The following PCDHA1 variants were observed in gnomAD, a reference collection of about 807,000 sequenced individuals.
PCDHA1 encodes the protein protocadherin alpha-1.
Under a neutral mutation model 61.3 loss-of-function variants are expected in PCDHA1, and 42 were observed. The observed-to-expected ratio is 0.69, with a 90% CI of 0.54 to 0.89. The LOEUF is 0.89. PCDHA1 is among the 40% of genes least tolerant of loss of function. The probability of loss-of-function intolerance (pLI) is 0.00; values close to 1 mark genes in which losing one functional copy is unlikely to be tolerated. For synonymous variants in PCDHA1, 610 were observed against 553.8 expected (o/e 1.10, Z -1.43); for missense variants, 1,256 against 1,235.3 (o/e 1.02, Z -0.25).
At position 140,869,261 on chromosome 5, in the gene PCDHA1, G is replaced by A. The variant is rs782291113; in HGVS notation, c.2394+80577G>A. 3 of 1,613,572 alleles carry A rather than the reference G, an allele frequency of 1.9e-6. No individual in the cohort carries two copies. In the Admixed American group the frequency reaches 5.0e-5, roughly 27 times the overall value. On this transcript the variant is annotated intron_variant, in intron 1 of 3. Transcript: ENST00000504120. ...GTGGGCCGCATCGCGCAGGACCTGG[G>A]GCTGGAGCTGGCGGAGCTGGTGCAG...
intron 1 of PCDHA1, chr5:140,847,977 G>A (rs1781271032): frequency 6.4e-6 from 1 of 155,600 alleles, no homozygotes; most frequent in Non-Finnish European, 1.4e-5. Context: ...CGAGCCATAT[G>A]GGAGATTCTG....
intron 1 of PCDHA1, chr5:140,807,791 A>G: frequency 6.2e-7 from 1 of 1,614,158 alleles, no homozygotes; most frequent in Non-Finnish European, 8.5e-7. Context: ...ATCTTTAGAC[A>G]GAGAAGAAGC....
chr5:140,810,294 A>G (rs1468211425), intron 1 of PCDHA1: 1 of 152,220 alleles, frequency 6.6e-6, no homozygotes, highest in Non-Finnish European at 1.5e-5. Flanking sequence ...CATCATAAAT[A>G]TATTGTACAT....
chr5:140,808,990 G>T (rs2879087), intron 1 of PCDHA1: 49 of 1,613,634 alleles, frequency 3.0e-5, no homozygotes, highest in Non-Finnish European at 4.0e-5. Flanking sequence ...ATGCTGACTC[G>T]GGCTACAACG....
At chr5:140,803,155 A>T (rs782366845) in intron 1 of PCDHA1, 1 of 1,613,866 alleles carries the variant, frequency 6.2e-7, no homozygotes, top group South Asian at 1.1e-5. Context: ...CTGGTGAAGG[A>T]CCACGGTGAA....
At chr5:140,946,152 G>T (rs1279401608) in intron 1 of PCDHA1, among the ~76,000 whole-genome samples, 1 of 151,750 alleles carries the variant, frequency 6.6e-6, no homozygotes, top group Non-Finnish European at 1.5e-5. Flanking sequence ...CAAATAACAC[G>T]ATTTAAAAGA....
At chr5:140,870,368 T>A in intron 1 of PCDHA1, 1 of 1,614,094 alleles carries the variant, frequency 6.2e-7, no homozygotes, top group Admixed American at 1.7e-5. Context: ...GCCTATGAAC[T>A]GGTGGTGACT....
chr5:140,929,289 G>C (rs574226775), intron 1 of PCDHA1: 2 of 1,597,364 alleles, frequency 1.3e-6, no homozygotes, highest in African/African-American at 2.7e-5. Flanking sequence ...TTCAGATTCG[G>C]AATAGGAAAG....
intron 1 of PCDHA1, among the ~76,000 whole-genome samples, chr5:140,846,539 TA>T: frequency 6.7e-6 from 1 of 148,618 alleles, no homozygotes; most frequent in Middle Eastern, 3.5e-3. Context: ...CATGCCCTGC[TA>T]ATTTTTTGTA....
chr5:140,808,676 C>T (rs369858637), intron 1 of PCDHA1: 3 of 1,612,726 alleles, frequency 1.9e-6, no homozygotes, highest in Non-Finnish European at 2.5e-6. Flanking sequence ...GCTGGTAGAG[C>T]GGCGGGTAGG....
At chr5:140,850,905 A>G in intron 1 of PCDHA1, 1 of 1,550,536 alleles carries the variant, frequency 6.4e-7, no homozygotes, top group Non-Finnish European at 8.7e-7. Context: ...TTTTTCTAGC[A>G]TTTTATTTAT....
chr5:140,870,944 C>A (rs1554164906), intron 1 of PCDHA1: 1 of 1,613,540 alleles, frequency 6.2e-7, no homozygotes, highest in Admixed American at 1.7e-5. Context: ...CAGCCGGCGG[C>A]GGGCGGCTCG....
intron 1 of PCDHA1, chr5:140,927,082 C>G (rs141480000): frequency 6.2e-7 from 1 of 1,611,100 alleles, no homozygotes; most frequent in Non-Finnish European, 8.5e-7. Flanking sequence ...CCACCGCGAG[C>G]TCTACTTCGG....
intron 1 of PCDHA1, chr5:140,824,268 T>A: frequency 8.2e-7 from 1 of 1,223,616 alleles, no homozygotes; most frequent in Non-Finnish European, 1.2e-6. Flanking sequence ...CTAATTCATG[T>A]ATTATATGCT....
chr5:140,848,258 T>G, intron 1 of PCDHA1: 1 of 479,224 alleles, frequency 2.1e-6, no homozygotes, highest in Non-Finnish European at 3.7e-6. Context: ...AACTGTGAAA[T>G]TTTTATTCAT....
chr5:141,009,330 G>A (rs1355837607), intron 3 of PCDHA1, among the ~76,000 whole-genome samples: 2 of 152,192 alleles, frequency 1.3e-5, no homozygotes, highest in African/African-American at 2.4e-5. Context: ...ATGGGAGCTT[G>A]TGCCTGTAGT....
At chr5:140,986,077 A>G (rs1335070462) in intron 3 of PCDHA1, among the ~76,000 whole-genome samples, 2 of 152,094 alleles carry the variant, frequency 1.3e-5, no homozygotes, top group Non-Finnish European at 2.9e-5. Flanking sequence ...GAAACTGTTC[A>G]TTTATTTTCA....
chr5:140,873,589 A>C (rs1562682260), intron 1 of PCDHA1, among the ~76,000 whole-genome samples: 1 of 152,272 alleles, frequency 6.6e-6, no homozygotes, highest in Non-Finnish European at 1.5e-5. Context: ...TATTAAGCTA[A>C]ACTTAGATGT....
Position 140,870,951 on chromosome 5 carries a change from C to T in PCDHA1, c.2394+82267C>T, listed in dbSNP as rs781985952. 6 of 1,613,558 alleles carry T rather than the reference C, an allele frequency of 3.7e-6. No individual in the cohort carries two copies. The Admixed American group carries it at 1.0e-4, about 27-fold the overall frequency. ...ATGAATTGCAGCCGGCGGCGGGCGGCTCGCGCATCCCGTTCCGCGTGGGGC... is the reference window on the plus strand; with the variant it reads ...ATGAATTGCAGCCGGCGGCGGGCGGTTCGCGCATCCCGTTCCGCGTGGGGC... On this transcript the variant is annotated intron_variant, in intron 1 of 3. Transcript: ENST00000504120.
Sources: gnomAD v4.1 joint callset for allele counts (sites outside exome capture counted in the v4.1 genomes callset) on GRCh38, gnomAD v4.1.1 for gene constraint, MANE v1.5 for transcripts, NCBI Gene and HGNC (gene_info 2026-07-23, HGNC 2026-07-21) for gene names.